The following EPB41L3 variants were observed in gnomAD, a reference collection of about 807,000 sequenced individuals.
The protein encoded by EPB41L3 is erythrocyte membrane protein band 4.1 like 3.
In EPB41L3, 57 loss-of-function variants were observed where a neutral mutation model predicts 127.1. That is an observed-to-expected ratio of 0.45 (90% CI 0.36 to 0.56). EPB41L3 has a LOEUF of 0.56. Ranked by LOEUF, EPB41L3 falls within the 20% of genes least tolerant of loss-of-function variation. EPB41L3 has a pLI of 0.00. For synonymous variants in EPB41L3, 572 were observed against 549.5 expected (o/e 1.04, Z -0.57); for missense variants, 1,273 against 1,372.2 (o/e 0.93, Z 1.14).
chr18:5,412,744 C>T (rs754465386), intron 13 of EPB41L3, among the ~76,000 whole-genome samples: 27 of 151,954 alleles, frequency 1.8e-4, no homozygotes, highest in African/African-American at 3.6e-4. Context: ...AAACCTGTGG[C>T]ACATTGGGCA....
intron 1 of EPB41L3, among the ~76,000 whole-genome samples, chr18:5,540,124 A>G (rs1435629637): frequency 1.3e-5 from 2 of 152,230 alleles, no homozygotes; most frequent in South Asian, 4.1e-4. Flanking sequence ...TGTTGCCTCA[A>G]TATATAAATA....
At chr18:5,515,225 C>T (rs1203518173) in intron 1 of EPB41L3, among the ~76,000 whole-genome samples, 1 of 152,214 alleles carries the variant, frequency 6.6e-6, no homozygotes, top group Non-Finnish European at 1.5e-5. Context: ...GACTCTCCAG[C>T]TGCCACCATG....
intron 1 of EPB41L3, among the ~76,000 whole-genome samples, chr18:5,625,878 C>T (rs547207297): frequency 2.9e-4 from 44 of 152,178 alleles, no homozygotes; most frequent in Middle Eastern, 3.4e-3. Flanking sequence ...GTTTTCCCAC[C>T]ACACAAAGAA....
intron 1 of EPB41L3, among the ~76,000 whole-genome samples, chr18:5,522,859 T>C (rs1455908219): frequency 1.3e-5 from 2 of 152,220 alleles, no homozygotes. Context: ...GTGCCTGGCA[T>C]ATGATAGGTG....
chr18:5,552,723 T>A (rs1292255638), intron 3 of EPB41L3, among the ~76,000 whole-genome samples: 1 of 145,960 alleles, frequency 6.9e-6, no homozygotes, highest in African/African-American at 2.7e-5. Flanking sequence ...TCCAGTTAAA[T>A]AACTTTCACC....
At chr18:5,522,934 T>C (rs1388211118) in intron 1 of EPB41L3, among the ~76,000 whole-genome samples, 2 of 152,212 alleles carry the variant, frequency 1.3e-5, no homozygotes, top group African/African-American at 4.8e-5. Flanking sequence ...TGCTAAAATT[T>C]TTTTTTTGCA....
intron 3 of EPB41L3, among the ~76,000 whole-genome samples, chr18:5,590,938 C>A (rs2143530863): frequency 6.6e-6 from 1 of 152,174 alleles, no homozygotes; most frequent in South Asian, 2.1e-4. Flanking sequence ...GAAGGGGTAG[C>A]ACATGGGAGT....
chr18:5,575,958 A>G (rs1052928564), intron 3 of EPB41L3, among the ~76,000 whole-genome samples: 3 of 152,216 alleles, frequency 2.0e-5, no homozygotes, highest in Non-Finnish European at 4.4e-5. Flanking sequence ...CAATATCTTT[A>G]CACTTAAGAT....
intron 3 of EPB41L3, among the ~76,000 whole-genome samples, chr18:5,581,242 ATAT>A (rs1028382233): frequency 2.6e-5 from 4 of 152,198 alleles, no homozygotes; most frequent in African/African-American, 9.7e-5. Flanking sequence ...AAAAATAAGA[ATAT>A]TATTATTACT....
rs542113936 is a variant in EPB41L3 at position 5,584,478 on chromosome 18, A to G, written c.-306+27862T>C. 5.3e-5 allele frequency among the ~76,000 whole-genome samples: 8 copies of G among 152,320 alleles called. No homozygotes were observed. The East Asian group carries it at 1.5e-3, about 29-fold the overall frequency. On this transcript the variant is annotated intron_variant, in intron 3 of 21. Coordinates refer to the EPB41L3 transcript ENST00000545076. ...AATAGATGGGTCATTTCATAGTTTT[A>G]TAAAGTTACTTAAGTTTTCCCAACC... is the stretch of plus-strand genomic sequence containing the variant.
chr18:5,543,793 G>A lies in EPB41L3; in HGVS notation c.-12+120C>T, dbSNP rs2093820955. The A allele has an allele frequency of 1.2e-6, 1 of 817,336 alleles. No homozygotes were observed. The highest frequency in any genetic ancestry group is 1.5e-6 in the Non-Finnish European group (1 of 677,148). 50.6% of individuals were successfully genotyped at this position (817,336 alleles called of 1,614,324 possible). A position where few individuals can be genotyped will look rare whatever the true frequency, so the allele number is the denominator to read the frequency against. On this transcript the variant is annotated intron_variant, in intron 1 of 22. Coordinates refer to ENST00000341928, the MANE Select transcript of EPB41L3 (RefSeq NM_012307.5). The surrounding 1 kb of genome is among the most constrained non-coding windows in gnomAD (Gnocchi z 5.2). The stretch of plus-strand genomic sequence containing the variant: ...GGGATTCGGGAGACCGCGCGGCGCC[G>A]AAGCCACGCGTCAGCCCCACTGTCC...
At chr18:5,449,174 T>A (rs2081944358) in intron 3 of EPB41L3, among the ~76,000 whole-genome samples, 4 of 151,862 alleles carry the variant, frequency 2.6e-5, no homozygotes, top group African/African-American at 9.7e-5. Flanking sequence ...ATGGGCAAAA[T>A]ATCTGAACTT....
intron 1 of EPB41L3, among the ~76,000 whole-genome samples, chr18:5,622,187 A>G (rs1488165368): frequency 2.0e-5 from 3 of 152,206 alleles, no homozygotes; most frequent in East Asian, 3.8e-4. Flanking sequence ...TTGAAACATA[A>G]ATGTTGAGAG....
intron 1 of EPB41L3, among the ~76,000 whole-genome samples, chr18:5,524,507 T>C (rs1005262040): frequency 6.6e-6 from 1 of 152,192 alleles, no homozygotes; most frequent in African/African-American, 2.4e-5. Flanking sequence ...GACTCTTAAC[T>C]ACTATAGTAC....
chr18:5,626,995 G>C (rs536264912), intron 1 of EPB41L3, among the ~76,000 whole-genome samples: 5 of 152,168 alleles, frequency 3.3e-5, no homozygotes, highest in Non-Finnish European at 7.4e-5. Context: ...AGAAGAGAGA[G>C]AAGGCAGGGT....
intron 3 of EPB41L3, among the ~76,000 whole-genome samples, chr18:5,470,398 T>C (rs1006414742): frequency 3.3e-5 from 5 of 152,270 alleles, no homozygotes; most frequent in African/African-American, 1.2e-4. Context: ...CTCTTTGGTA[T>C]CTTTTGTACA....
At chr18:5,628,063 T>C (rs1359333463) in intron 1 of EPB41L3, among the ~76,000 whole-genome samples, 1 of 152,184 alleles carries the variant, frequency 6.6e-6, no homozygotes, top group Non-Finnish European at 1.5e-5. Flanking sequence ...TTGTTCTAGA[T>C]TATGTGTAAC....
intron 2 of EPB41L3, among the ~76,000 whole-genome samples, chr18:5,486,955 T>C (rs1360599735): frequency 6.6e-6 from 1 of 152,094 alleles, no homozygotes; most frequent in Non-Finnish European, 1.5e-5. Flanking sequence ...TATCATATGA[T>C]CCAGCAATTC....
chr18:5,615,872 T>C lies in EPB41L3; in HGVS notation c.-467-1449A>G, dbSNP rs1418696715. Among the ~76,000 whole-genome samples, 4 of 152,224 alleles carry C rather than the reference T, an allele frequency of 2.6e-5. No individual in the cohort carries two copies. The East Asian group carries it at 7.7e-4, about 29-fold the overall frequency. On this transcript the variant is annotated intron_variant, in intron 1 of 21. Coordinates refer to the EPB41L3 transcript ENST00000545076. ...TGAAGGACAACCCCTATCTGTATCA[T>C]GAAATCCCACCTTTCACAGGCCTGA...
Sources: allele counts gnomAD v4.1 joint callset (sites outside exome capture counted in the v4.1 genomes callset), GRCh38; gene constraint gnomAD v4.1.1; non-coding constraint Gnocchi (gnomAD v3.1); transcripts MANE v1.5; gene names NCBI Gene and HGNC (gene_info 2026-07-23, HGNC 2026-07-21).